ASB4: variants seen among roughly 807,000 people sequenced by gnomAD.
The protein encoded by ASB4 is ankyrin repeat and SOCS box containing 4.
A neutral mutation model predicts 38.6 loss-of-function variants in ASB4; 35 were observed. That is an observed-to-expected ratio of 0.91 (90% CI 0.69 to 1.20). ASB4 has a LOEUF of 1.20. Among genes scored for constraint, ASB4 ranks in the 50% most tolerant of loss-of-function variants. The probability of loss-of-function intolerance (pLI) is 0.00; values close to 1 mark genes in which losing one functional copy is unlikely to be tolerated. For synonymous variants in ASB4, 195 were observed against 201.3 expected, an observed-to-expected ratio of 0.97 and a Z score of 0.26; for missense variants, 557 against 527.2, an observed-to-expected ratio of 1.06 and a Z score of -0.55.
At chr7:95,525,500 A>G (rs772744608) in intron 2 of ASB4, among the ~76,000 whole-genome samples, 6 of 152,122 alleles carry the variant, frequency 3.9e-5, no homozygotes, top group Non-Finnish European at 7.3e-5. Flanking sequence ...AAAAATAAGG[A>G]ACTCCTATTC....
chr7:95,513,843 C>T (rs1790518807), intron 2 of ASB4, among the ~76,000 whole-genome samples: 1 of 152,176 alleles, frequency 6.6e-6, no homozygotes, highest in East Asian at 1.9e-4. Flanking sequence ...GCATTACTAT[C>T]TGCTATAATG....
At chr7:95,474,700 A>T (rs1002861881), upstream of ASB4, among the ~76,000 whole-genome samples, 11 of 151,780 alleles carry the variant, frequency 7.2e-5, no homozygotes, top group African/African-American at 1.5e-4. Context: ...TTAAAAAAAA[A>T]TTTTTTTTAG....
At chr7:95,528,429 A>G (rs979246247) in intron 3 of ASB4, 126 bp downstream of exon 3, 2 of 1,513,390 alleles carry the variant, frequency 1.3e-6, no homozygotes, top group Non-Finnish European at 1.8e-6. Context: ...ATCCTCTTTG[A>G]CCTTCCATTA....
At chr7:95,472,595 A>T in the ASB4 span, among the ~76,000 whole-genome samples, 2 of 152,284 alleles carry the variant, frequency 1.3e-5, no homozygotes, top group South Asian at 4.1e-4. Flanking sequence ...CCTCACAGGG[A>T]AAAGCAGTCT....
intron 3 of ASB4, among the ~76,000 whole-genome samples, chr7:95,533,754 A>T (rs1281307096): frequency 6.6e-6 from 1 of 152,186 alleles, no homozygotes; most frequent in Non-Finnish European, 1.5e-5. Flanking sequence ...ATGGGGATGA[A>T]TATAGGACCA....
rs1377459622 is a variant in ASB4 at position 95,501,615 on chromosome 7, C to T, written c.487+5558C>T. 5.9e-5 allele frequency among the ~76,000 whole-genome samples: 9 copies of T among 152,272 alleles called. No homozygotes were observed. In the South Asian group the frequency reaches 6.2e-4, roughly 11 times the overall value. On this transcript the variant is annotated intron_variant, in intron 2 of 4. Transcript: ENST00000325885. ...AGATCTTCAGAACTTATTCATCATCCGGTGTAACTGAAACTTTGTTAACTT... is the reference window on the plus strand; with the variant it reads ...AGATCTTCAGAACTTATTCATCATCTGGTGTAACTGAAACTTTGTTAACTT...
intron 2 of ASB4, among the ~76,000 whole-genome samples, chr7:95,512,881 C>A (rs1790501882): frequency 6.6e-6 from 1 of 152,140 alleles, no homozygotes; most frequent in Non-Finnish European, 1.5e-5. Context: ...ATGTCTAAGT[C>A]CTCATCCTTG....
At chr7:95,485,886 A>C (rs773424431), upstream of ASB4, 4 of 1,195,094 alleles carry the variant, frequency 3.3e-6, no homozygotes, top group Non-Finnish European at 4.7e-6. Context: ...ATTAGCCGAC[A>C]GTTTGTGGAC....
At chr7:95,530,581 C>G (rs1210159358) in intron 3 of ASB4, among the ~76,000 whole-genome samples, 1 of 152,028 alleles carries the variant, frequency 6.6e-6, no homozygotes, top group Non-Finnish European at 1.5e-5. Context: ...TAGGAGAGGG[C>G]TAAGCATGTT....
chr7:95,546,517 T>G, the ASB4 span, among the ~76,000 whole-genome samples: 1 of 152,200 alleles, frequency 6.6e-6, no homozygotes, highest in African/African-American at 2.4e-5. Flanking sequence ...ATTTGAGCTC[T>G]TCAGGGATGG....
At chr7:95,496,267 A>G (rs1020158162) in intron 2 of ASB4, 1 of 486,532 alleles carries the variant, frequency 2.1e-6, no homozygotes, top group Non-Finnish European at 3.6e-6. Context: ...CAGGAAGTTC[A>G]TTCATTTACT....
At chr7:95,527,699 T>C in intron 2 of ASB4, 114 bp from the exon 3 acceptor site, 1 of 1,047,672 alleles carries the variant, frequency 9.5e-7, no homozygotes, top group Non-Finnish European at 1.4e-6. Context: ...TTGGGGATAA[T>C]ATACGGCAGT....
At chr7:95,485,098 G>A (rs1471458062), upstream of ASB4, among the ~76,000 whole-genome samples, 1 of 150,574 alleles carries the variant, frequency 6.6e-6, no homozygotes, top group Non-Finnish European at 1.5e-5. Flanking sequence ...CTATTTATCT[G>A]TCTGCATTTC....
upstream of ASB4, among the ~76,000 whole-genome samples, chr7:95,477,136 G>C (rs1429888747): frequency 6.6e-6 from 1 of 151,706 alleles, no homozygotes; most frequent in East Asian, 1.9e-4. Context: ...TACTGCAGCT[G>C]TTCTTCCGGG....
chr7:95,549,813 T>C, the ASB4 span, among the ~76,000 whole-genome samples: 1 of 152,186 alleles, frequency 6.6e-6, no homozygotes, highest in East Asian at 1.9e-4. Context: ...AGGAGCTTCC[T>C]TAGGGGCTTG....
At chr7:95,511,267 A>G (rs1790476966) in intron 2 of ASB4, among the ~76,000 whole-genome samples, 1 of 152,112 alleles carries the variant, frequency 6.6e-6, no homozygotes. Context: ...GAGAGCCACC[A>G]AGAAGTGAAC....
At chr7:95,523,308 C>A (rs1411131169) in intron 2 of ASB4, among the ~76,000 whole-genome samples, 4 of 152,132 alleles carry the variant, frequency 2.6e-5, no homozygotes, top group Admixed American at 1.3e-4. Flanking sequence ...AAACTGGTTA[C>A]AACGTTTATA....
intron 2 of ASB4, among the ~76,000 whole-genome samples, chr7:95,506,785 CA>C (rs930121429): frequency 3.3e-5 from 5 of 151,162 alleles, no homozygotes; most frequent in African/African-American, 1.2e-4. Context: ...CATTCAATTC[CA>C]AACTGCTTGT....
chr7:95,510,087 A>G (rs1006635186), intron 2 of ASB4, among the ~76,000 whole-genome samples: 3 of 152,144 alleles, frequency 2.0e-5, no homozygotes, highest in African/African-American at 7.2e-5. Context: ...CTATTAGCTT[A>G]AAAAATTAAC....
Sources: gnomAD v4.1 joint callset for allele counts (sites outside exome capture counted in the v4.1 genomes callset) on GRCh38, gnomAD v4.1.1 for gene constraint, MANE v1.5 for transcripts, NCBI Gene and HGNC (gene_info 2026-07-23, HGNC 2026-07-21) for gene names.